CLIC6: variants seen among roughly 807,000 people sequenced by gnomAD.
CLIC6 encodes CLIC family member 6.
CLIC6 carries 39 observed loss-of-function variants against 49.2 expected under a neutral mutation model. The ratio of observed to expected loss-of-function variants is 0.79; its 90% confidence interval spans 0.61 to 1.04. The LOEUF is 1.04. CLIC6 is among the 50% of genes least tolerant of loss of function. The pLI, the probability that CLIC6 is intolerant of heterozygous loss-of-function variation, is 0.00. For synonymous variants in CLIC6, 446 were observed against 433.4 expected, an observed-to-expected ratio of 1.03 and a Z score of -0.36; for missense variants, 988 against 993.1, an observed-to-expected ratio of 0.99 and a Z score of 0.07.
Position 34,676,057 on chromosome 21 carries a change from C to T in CLIC6, c.1374+5295C>T, listed in dbSNP as rs151145958. 3.0e-4 allele frequency among the ~76,000 whole-genome samples: 46 copies of T among 152,312 alleles called. No individual in the cohort carries two copies. In the East Asian group the frequency reaches 7.3e-3, roughly 24 times the overall value. On this transcript the variant is annotated intron_variant, in intron 1 of 5. Transcript: ENST00000349499. The stretch of plus-strand genomic sequence containing the variant: ...CAATTATGTTTCTTTACCTTCAGCA[C>T]GGGTTCCTCCCCTCACATGGGGTTT...
chr21:34,685,072 G>C (rs1365205760), intron 1 of CLIC6, among the ~76,000 whole-genome samples: 1 of 152,102 alleles, frequency 6.6e-6, no homozygotes, highest in Non-Finnish European at 1.5e-5. Context: ...AGAAAGCCTG[G>C]ACCCATTGTT....
chr21:34,669,787 G>C lies in CLIC6; in HGVS notation c.399G>C (p.Ala133=). Residue 133 remains alanine, a synonymous_variant, in exon 1 of 6, where the codon GCG becomes GCC. Coordinates refer to ENST00000349499, the MANE Select transcript of CLIC6 (RefSeq NM_053277.3). The stretch of plus-strand genomic sequence containing the variant: ...CTCAGAGGGAGCCCGAGGACTCTGC[G>C]GCCCCCGAGAGGCAGGAGGAGGCGG... ...GEAQREPEDS[A]APERQEEAEQ... is the part of the protein sequence containing the mutation. 2 of 1,423,614 alleles carry C rather than the reference G, an allele frequency of 1.4e-6. No individual in the cohort carries two copies. Among genetic ancestry groups the C allele is most frequent in the Non-Finnish European group, 1.8e-6 (2 of 1,099,596 alleles). 88.2% of individuals were successfully genotyped at this position (1,423,614 alleles called of 1,614,324 possible).
At chr21:34,712,847 G>GCCCTAA (rs60327192) in intron 5 of CLIC6, among the ~76,000 whole-genome samples, 4,944 of 149,772 alleles carry the variant, frequency 0.033, 268 homozygotes, top group African/African-American at 0.11. Flanking sequence ...AGTGGAGGAT[G>GCCCTAA]CCCTAACCCT....
intron 5 of CLIC6, among the ~76,000 whole-genome samples, chr21:34,711,435 G>A (rs1032939674): frequency 9.2e-5 from 14 of 152,046 alleles, no homozygotes; most frequent in African/African-American, 3.4e-4. Flanking sequence ...GGGAGGCTGA[G>A]GCACGAGAAT....
At chr21:34,700,307 C>G (rs1990163444) in intron 1 of CLIC6, among the ~76,000 whole-genome samples, 1 of 141,110 alleles carries the variant, frequency 7.1e-6, no homozygotes, top group South Asian at 2.2e-4. Flanking sequence ...ATTAGCCGTG[C>G]GTGGTGCCGG....
At chr21:34,701,675 C>A (rs1242417217) in intron 1 of CLIC6, among the ~76,000 whole-genome samples, 1 of 152,202 alleles carries the variant, frequency 6.6e-6, no homozygotes, top group East Asian at 1.9e-4. Context: ...CTGGCTCCAA[C>A]GCCAGCACCC....
Position 34,708,795 on chromosome 21 carries a change from A to G in CLIC6, c.1706A>G (p.Asp569Gly). ...FSAFIKNTKKDANEIHEKNLL... is the reference protein window; with the variant it reads ...FSAFIKNTKKGANEIHEKNLL... Reference sequence around the variant, plus strand: ...GCGTTTATAAAAAACACGAAGAAGGATGCAAATGAGAGTGAGTACCTCCCA... The same window carrying G: ...GCGTTTATAAAAAACACGAAGAAGGGTGCAAATGAGAGTGAGTACCTCCCA... Residue 569 changes from aspartate (D) to glycine (G), a missense_variant, in exon 4 of 6, where the codon GAT (aspartate) becomes GGT (glycine). Transcript: ENST00000349499. 6.2e-7 allele frequency: 1 copy of G among 1,612,336 alleles called. No homozygotes were observed. Among genetic ancestry groups the G allele is most frequent in the Non-Finnish European group, 8.5e-7 (1 of 1,178,320 alleles).
chr21:34,670,784 T>C, intron 1 of CLIC6, 22 bp downstream of exon 1: 1 of 1,586,484 alleles, frequency 6.3e-7, no homozygotes, highest in Non-Finnish European at 8.5e-7. Flanking sequence ...TTCCCTCAAT[T>C]CTTAGGACGA....
At chr21:34,706,212 G>A (rs1050609631) in intron 1 of CLIC6, 52 of 512,208 alleles carry the variant, frequency 1.0e-4, no homozygotes, top group Non-Finnish European at 1.7e-4. Flanking sequence ...AGGGCAAAGG[G>A]GGAGCAGGCA....
intron 1 of CLIC6, among the ~76,000 whole-genome samples, chr21:34,700,562 C>T (rs895792778): frequency 8.6e-5 from 12 of 140,342 alleles, no homozygotes; most frequent in African/African-American, 3.1e-4. Flanking sequence ...TAAATAATTT[C>T]TTTTTAACTC....
intron 1 of CLIC6, among the ~76,000 whole-genome samples, chr21:34,672,992 A>G (rs1366038121): frequency 1.3e-5 from 2 of 152,250 alleles, no homozygotes; most frequent in Admixed American, 1.3e-4. Context: ...GCACAGAAAC[A>G]GTTATCCCTG....
At chr21:34,672,561 CT>C (rs1989585833) in intron 1 of CLIC6, among the ~76,000 whole-genome samples, 1 of 152,216 alleles carries the variant, frequency 6.6e-6, no homozygotes, top group African/African-American at 2.4e-5. Context: ...TCGGATGACC[CT>C]GTTAAGGCAT....
intron 1 of CLIC6, among the ~76,000 whole-genome samples, chr21:34,692,973 C>T (rs1204245129): frequency 6.6e-6 from 1 of 152,222 alleles, no homozygotes; most frequent in Non-Finnish European, 1.5e-5. Context: ...CACTGGACTT[C>T]CTCCCCAGCC....
chr21:34,700,404 G>T (rs1331174495), intron 1 of CLIC6, among the ~76,000 whole-genome samples: 1 of 125,210 alleles, frequency 8.0e-6, no homozygotes, highest in East Asian at 2.2e-4. Context: ...CCGAGATCGC[G>T]CCACCGCACT....
intron 1 of CLIC6, among the ~76,000 whole-genome samples, chr21:34,686,558 T>G (rs1350646616): frequency 6.6e-6 from 1 of 152,228 alleles, no homozygotes; most frequent in Admixed American, 6.5e-5. Context: ...GAATCTGGCC[T>G]GACCTTAGTG....
chr21:34,669,312 AC>A lies in CLIC6; in HGVS notation c.-76del. ...CAAGGAGCACAGAGGGCCCCGTAGC[AC>A]GCCCCTTGCCCAGCGCCACCGACCC... On this transcript the variant is annotated 5_prime_UTR_variant, in exon 1 of 6. Transcript: ENST00000349499. 1 of 1,156,824 alleles carries A rather than the reference AC, an allele frequency of 8.6e-7. No homozygotes were observed. The highest frequency in any genetic ancestry group is 1.1e-6 in the Non-Finnish European group (1 of 920,004). 71.7% of individuals were successfully genotyped at this position (1,156,824 alleles called of 1,614,324 possible). A position where few individuals can be genotyped will look rare whatever the true frequency, so the allele number is the denominator to read the frequency against.
rs1989999250 is a variant in CLIC6 at position 34,691,755 on chromosome 21, G to A, written c.1375-15525G>A. ...ACAAGCAATTTTGTTTGTGCTGAGAGCCGTTCATTTGCGTGCTTTTTTTGT... is the reference window on the plus strand; with the variant it reads ...ACAAGCAATTTTGTTTGTGCTGAGAACCGTTCATTTGCGTGCTTTTTTTGT... On this transcript the variant is annotated intron_variant, in intron 1 of 5. Transcript: ENST00000349499. Among the ~76,000 whole-genome samples, 3 of 152,300 alleles carry A rather than the reference G, an allele frequency of 2.0e-5. No individual in the cohort carries two copies. The South Asian group carries it at 6.2e-4, about 32-fold the overall frequency.
intron 1 of CLIC6, among the ~76,000 whole-genome samples, chr21:34,672,149 C>T (rs994591701): frequency 6.6e-6 from 1 of 152,316 alleles, no homozygotes; most frequent in African/African-American, 2.4e-5. Flanking sequence ...CTGTCCTCTC[C>T]AATCTAGTCT....
chr21:34,669,000 A>AGGACAGC lies in CLIC6; in HGVS notation c.-379_-373dup, dbSNP rs1252305344. Among the ~76,000 whole-genome samples the AGGACAGC allele has an allele frequency of 2.6e-5, 4 of 152,330 alleles. No homozygotes were observed. Among genetic ancestry groups the AGGACAGC allele is most frequent in the East Asian group, 1.9e-4 (1 of 5,182 alleles). On this transcript the variant is annotated 5_prime_UTR_variant, in exon 1 of 6. Coordinates refer to ENST00000349499, the MANE Select transcript of CLIC6 (RefSeq NM_053277.3). ...GCACCAAGGACTTCTGGTCAACCCC[A>AGGACAGC]GGACAGCGGACAGCGGGCCGGGCAC...
Sources: gnomAD v4.1 joint callset for allele counts (sites outside exome capture counted in the v4.1 genomes callset) on GRCh38, gnomAD v4.1.1 for gene constraint, MANE v1.5 for transcripts, NCBI Gene and HGNC (gene_info 2026-07-23, HGNC 2026-07-21) for gene names.